ABCB5: variants seen among roughly 807,000 people sequenced by gnomAD.
The protein encoded by ABCB5 is ATP-binding cassette sub-family B member 5.
A neutral mutation model predicts 144.2 loss-of-function variants in ABCB5; 155 were observed. That is an observed-to-expected ratio of 1.08 (90% CI 0.94 to 1.23). ABCB5 has a LOEUF of 1.23. Among genes scored for constraint, ABCB5 ranks in the 50% most tolerant of loss-of-function variants. ABCB5 has a pLI of 0.00. For missense variants in ABCB5, 1,830 were observed against 1,520.8 expected (o/e 1.20, Z -3.38); for synonymous variants, 610 against 528.6 (o/e 1.15, Z -2.11).
chr7:20,740,455 G>A (rs2128054707), intron 24 of ABCB5, among the ~76,000 whole-genome samples: 1 of 152,222 alleles, frequency 6.6e-6, no homozygotes, highest in East Asian at 1.9e-4. Context: ...CTACACAATG[G>A]TTAAGAAGAA....
intron 15 of ABCB5, among the ~76,000 whole-genome samples, chr7:20,683,864 A>G (rs2128039711): frequency 6.6e-6 from 1 of 152,334 alleles, no homozygotes; most frequent in Non-Finnish European, 1.5e-5. Context: ...ATTCGTGATT[A>G]TCACAAATAT....
chr7:20,618,146 A>G (rs1783727541), intron 1 of ABCB5, among the ~76,000 whole-genome samples: 2 of 152,160 alleles, frequency 1.3e-5, no homozygotes, highest in Non-Finnish European at 2.9e-5. Flanking sequence ...ACCACATTCA[A>G]TTTATAGTGG....
chr7:20,636,507 A>G (rs1459732421), intron 5 of ABCB5, among the ~76,000 whole-genome samples: 1 of 151,962 alleles, frequency 6.6e-6, no homozygotes, highest in Non-Finnish European at 1.5e-5. Flanking sequence ...TACTGAGACC[A>G]GCTGCAATGG....
At chr7:20,669,736 A>G (rs1343914528) in intron 14 of ABCB5, among the ~76,000 whole-genome samples, 10 of 109,982 alleles carry the variant, frequency 9.1e-5, no homozygotes, top group South Asian at 3.9e-4. Context: ...AAAAAAAAAA[A>G]AAAAAAAGAA....
intron 4 of ABCB5, among the ~76,000 whole-genome samples, chr7:20,629,128 A>G (rs910808808): frequency 1.6e-5 from 2 of 127,038 alleles, no homozygotes; most frequent in African/African-American, 5.9e-5. Context: ...GTTAGAAACA[A>G]AGAGAGAGAG....
At chr7:20,737,931 T>C (rs1419296242) in intron 23 of ABCB5, among the ~76,000 whole-genome samples, 1 of 152,190 alleles carries the variant, frequency 6.6e-6, no homozygotes, top group Non-Finnish European at 1.5e-5. Context: ...GTTATTTTTG[T>C]TTTTATATTT....
intron 3 of ABCB5, 66 bp downstream of exon 3, chr7:20,626,677 A>C: frequency 7.7e-7 from 1 of 1,302,042 alleles, no homozygotes; most frequent in Non-Finnish European, 1.0e-6. Context: ...TAGTGCATAG[A>C]AGATTGTGTT....
chr7:20,653,722 C>T (rs1017423152), intron 13 of ABCB5, among the ~76,000 whole-genome samples: 3 of 152,142 alleles, frequency 2.0e-5, no homozygotes, highest in Non-Finnish European at 4.4e-5. Flanking sequence ...GGCGATGAGG[C>T]AGGGGCAGAA....
At chr7:20,750,663 C>T (rs1343472990) in intron 26 of ABCB5, among the ~76,000 whole-genome samples, 2 of 151,906 alleles carry the variant, frequency 1.3e-5, no homozygotes, top group Non-Finnish European at 2.9e-5. Flanking sequence ...AATACGTAGA[C>T]TTTTTTCTTC....
At chr7:20,744,301 C>T (rs1168074117) in intron 25 of ABCB5, among the ~76,000 whole-genome samples, 1 of 152,132 alleles carries the variant, frequency 6.6e-6, no homozygotes, top group Non-Finnish European at 1.5e-5. Flanking sequence ...CTCCTAGCCT[C>T]AAGTCATCTG....
chr7:20,679,313 CA>C, intron 14 of ABCB5, among the ~76,000 whole-genome samples: 1 of 151,450 alleles, frequency 6.6e-6, no homozygotes, highest in Non-Finnish European at 1.5e-5. Flanking sequence ...GCTAAAAATA[CA>C]AAAAATTAGC....
rs545518982 is a variant in ABCB5 at position 20,702,986 on chromosome 7, A to C, written c.2338-1738A>C. ...TGCTGGAAAACAATCCCTGGAGTAC[A>C]CAATTGCTGTCTTGCCAAAAAGCAA... is the stretch of plus-strand genomic sequence containing the variant. On this transcript the variant is annotated intron_variant, in intron 19 of 27. Transcript: ENST00000404938. Among the ~76,000 whole-genome samples the C allele has an allele frequency of 7.2e-5, 11 of 152,210 alleles. No individual in the cohort carries two copies. The East Asian group carries it at 2.1e-3, about 29-fold the overall frequency.
At position 20,659,518 on chromosome 7, in the gene ABCB5, T is replaced by C. The variant is rs570993009; in HGVS notation, c.1707+842T>C. 5.9e-6 allele frequency: 6 copies of C among 1,018,310 alleles called. No homozygotes were observed. In the African/African-American group the frequency reaches 1.0e-4, roughly 17 times the overall value. 63.1% of individuals were successfully genotyped at this position (1,018,310 alleles called of 1,614,324 possible). A position where few individuals can be genotyped will look rare whatever the true frequency, so the allele number is the denominator to read the frequency against. Reference sequence around the variant, plus strand: ...TGAAAAATCTCTTAGTTACTATTATTTAGTAGCAAATCAGATTGTGCAAGT... The same window carrying C: ...TGAAAAATCTCTTAGTTACTATTATCTAGTAGCAAATCAGATTGTGCAAGT... On this transcript the variant is annotated intron_variant, in intron 14 of 27. Coordinates refer to ENST00000404938, the MANE Select transcript of ABCB5 (RefSeq NM_001163941.2).
intron 14 of ABCB5, among the ~76,000 whole-genome samples, chr7:20,666,191 T>G (rs1445790638): frequency 6.1e-5 from 9 of 147,252 alleles, no homozygotes; most frequent in African/African-American, 1.5e-4. Flanking sequence ...AAAAAAAAAG[T>G]TGACGATAAC....
chr7:20,654,591 G>A (rs1784708551), intron 13 of ABCB5, among the ~76,000 whole-genome samples: 1 of 152,012 alleles, frequency 6.6e-6, no homozygotes, highest in East Asian at 1.9e-4. Context: ...ACAATATTCT[G>A]GGCCATCAAA....
intron 1 of ABCB5, among the ~76,000 whole-genome samples, chr7:20,622,397 T>G (rs1309626789): frequency 6.6e-6 from 1 of 152,150 alleles, no homozygotes; most frequent in Non-Finnish European, 1.5e-5. Flanking sequence ...AACAGATGGC[T>G]GTATTTGTAT....
At chr7:20,628,198 C>T (rs2128018185) in intron 3 of ABCB5, among the ~76,000 whole-genome samples, 1 of 152,196 alleles carries the variant, frequency 6.6e-6, no homozygotes, top group South Asian at 2.1e-4. Flanking sequence ...GTGATGTTCC[C>T]CACCCTGTGT....
intron 14 of ABCB5, among the ~76,000 whole-genome samples, chr7:20,676,770 C>T (rs75353779): frequency 0.033 from 5,015 of 152,166 alleles, 226 homozygotes; most frequent in African/African-American, 0.095. Flanking sequence ...CACAAAAAAT[C>T]AATCTGCACA....
intron 20 of ABCB5, among the ~76,000 whole-genome samples, chr7:20,720,738 G>T (rs1018017136): frequency 3.9e-5 from 6 of 151,970 alleles, no homozygotes; most frequent in African/African-American, 1.2e-4. Flanking sequence ...GAGGTCAGGA[G>T]ATCGAGACCA....
Sources: gnomAD v4.1 joint callset for allele counts (sites outside exome capture counted in the v4.1 genomes callset) on GRCh38, gnomAD v4.1.1 for gene constraint, MANE v1.5 for transcripts, NCBI Gene and HGNC (gene_info 2026-07-23, HGNC 2026-07-21) for gene names.